ZNF263: variants seen among roughly 807,000 people sequenced by gnomAD.
ZNF263 encodes zinc finger protein 263.
A neutral mutation model predicts 63.1 loss-of-function variants in ZNF263; 49 were observed. The ratio of observed to expected loss-of-function variants is 0.78; its 90% CI spans 0.62 to 0.99. The LOEUF is 0.99. ZNF263 is among the 50% of genes least tolerant of loss of function. ZNF263 has a pLI of 0.00. For missense variants in ZNF263, 872 were observed against 854.8 expected, an observed-to-expected ratio of 1.02 and a Z score of -0.25; for synonymous variants, 352 against 324.2, an observed-to-expected ratio of 1.09 and a Z score of -0.92.
intron 2 of ZNF263, chr16:3,299,543 CACTTTCTTCAAATATTACAAG>C (rs781089570): frequency 7.8e-5 from 119 of 1,526,734 alleles, no homozygotes; most frequent in Admixed American, 5.6e-4. Context: ...TGCTCATCAT[CACTTTCTTCAAATATTACAAG>C]ACTCTCTTCA....
rs1425858200 is a variant in ZNF263 at position 3,300,457 on chromosome 16, A to G, written c.*47-456A>G. 3.1e-6 allele frequency: 5 copies of G among 1,614,010 alleles called. No homozygotes were observed. The highest frequency in any genetic ancestry group is 2.5e-6 in the Non-Finnish European group (3 of 1,180,038). ...CATGTCCTGCTTCAGTACAAAGTCC[A>G]GAATTAACTTCTTATTTTTTTTAAT... On this transcript the variant is annotated intron_variant, in intron 2 of 2. Coordinates refer to the ZNF263 transcript ENST00000574674.
downstream of ZNF263, among the ~76,000 whole-genome samples, chr16:3,294,050 C>G (rs1149486): frequency 6.6e-6 from 1 of 152,142 alleles, no homozygotes; most frequent in African/African-American, 2.4e-5. Context: ...CTCTGCCTCC[C>G]GAGTAGCTGG....
In ZNF263 at chr16:3,286,230, C is replaced by A. The variant is rs958134549; in HGVS notation, c.769+81C>A. ...CCGTTATTCATTCACCTCCTGGACA[C>A]AGACTCTGAGTTTTGCCAAGAAGCC... On this transcript the variant is annotated intron_variant, in intron 4 of 5. Coordinates refer to ENST00000219069, the MANE Select transcript of ZNF263 (RefSeq NM_005741.5). 6 of 1,497,292 alleles carry A rather than the reference C, an allele frequency of 4.0e-6. No homozygotes were observed. In the Admixed American group the frequency reaches 1.0e-4, roughly 25 times the overall value. 92.8% of individuals were successfully genotyped at this position (1,497,292 alleles called of 1,614,324 possible). A position where few individuals can be genotyped will look rare whatever the true frequency, so the allele number is the denominator to read the frequency against.
intron 1 of ZNF263, among the ~76,000 whole-genome samples, chr16:3,298,341 C>A (rs1009752109): frequency 3.3e-5 from 5 of 152,118 alleles, no homozygotes; most frequent in Admixed American, 1.3e-4. Context: ...ATATACGATC[C>A]TATATACTCA....
At chr16:3,299,153 G>A (rs2150778846) in exon 2 of ZNF263, 5 of 1,528,472 alleles carry the variant, frequency 3.3e-6, no homozygotes, top group Non-Finnish European at 4.4e-6. Flanking sequence ...ACAAAGTCAA[G>A]AAGGTAGTCC....
chr16:3,286,272 C>G, intron 4 of ZNF263, 123 bp downstream of exon 4: 1 of 1,400,510 alleles, frequency 7.1e-7, no homozygotes, highest in South Asian at 1.6e-5. Flanking sequence ...GGAGACTTCC[C>G]TTTGTCTAAA....
intron 1 of ZNF263, among the ~76,000 whole-genome samples, chr16:3,296,900 A>AAACCGTCTGAACTATCCTGCCC (rs1229687367): frequency 6.6e-6 from 1 of 152,242 alleles, no homozygotes; most frequent in Non-Finnish European, 1.5e-5. Context: ...AAATTCGCAG[A>AAACCGTCTGAACTATCCTGCCC]GGGAGTTGGT....
intron 2 of ZNF263, 78 bp from the exon 3 acceptor site, chr16:3,285,603 T>C (rs1567249790): frequency 7.0e-7 from 1 of 1,438,734 alleles, no homozygotes; most frequent in South Asian, 1.2e-5. Context: ...TGTTGGGGAA[T>C]GGATACTGTG....
At chr16:3,300,750 T>C in intron 2 of ZNF263, 1 of 1,408,426 alleles carries the variant, frequency 7.1e-7, no homozygotes, top group South Asian at 1.6e-5. Context: ...TATTGGAGGA[T>C]AATGGACTGA....
chr16:3,290,102 C>T lies in ZNF263; in HGVS notation c.1596C>T (p.His532=), dbSNP rs752233963. The stretch of plus-strand genomic sequence containing the variant: ...GGAAAAGTTTCTCTCGGAGTTCACA[C>T]CTCGTCATTCACGAAAGAACTCATG... ...ECGKSFSRSS[H]LVIHERTHER... Residue 532 remains histidine (H), a synonymous_variant, in exon 6 of 6, where the codon CAC becomes CAT. Transcript: ENST00000219069. 3 of 1,613,780 alleles carry T rather than the reference C, an allele frequency of 1.9e-6. No individual in the cohort carries two copies. Among genetic ancestry groups the T allele is most frequent in the Non-Finnish European group, 2.5e-6 (3 of 1,179,936 alleles).
rs1959559719 is a variant in ZNF263 at position 3,290,245 on chromosome 16, G to A, written c.1739G>A (p.Cys580Tyr). 6.2e-7 allele frequency: 1 copy of A among 1,614,020 alleles called. No homozygotes were observed. The highest frequency in any genetic ancestry group is 1.3e-5 in the African/African-American group (1 of 74,902). The change falls in exon 6 of 6, where the codon TGT (cysteine) becomes TAT (tyrosine). Residue 580 changes from cysteine (C) to tyrosine (Y), a missense_variant. Coordinates refer to ENST00000219069, the MANE Select transcript of ZNF263 (RefSeq NM_005741.5). ...AAGAAGCTCTTTGAATGTTTGACTT[G>A]TGGGAAAAGCTTCCGGCAGGGCATG... is the stretch of plus-strand genomic sequence containing the variant. ...AEKKLFECLT[C>Y]GKSFRQGMHL...
chr16:3,295,777 C>G (rs1292566578), downstream of ZNF263, among the ~76,000 whole-genome samples: 1 of 152,226 alleles, frequency 6.6e-6, no homozygotes, highest in Non-Finnish European at 1.5e-5. Flanking sequence ...AGAGTCAACG[C>G]AGAAGGCGAA....
downstream of ZNF263, chr16:3,291,487 C>T (rs1011914899): frequency 4.1e-6 from 4 of 985,306 alleles, no homozygotes; most frequent in African/African-American, 7.0e-5. Flanking sequence ...ATGAAAGCCT[C>T]TGTCTAGACC....
intron 1 of ZNF263, among the ~76,000 whole-genome samples, chr16:3,297,468 T>C (rs1959786524): frequency 7.9e-6 from 1 of 126,378 alleles, no homozygotes; most frequent in Non-Finnish European, 1.7e-5. Context: ...TTTTTTTTTT[T>C]TTTTTTTTTT....
rs376653002 is a variant in ZNF263 at position 3,283,802 on chromosome 16, G to T, written c.-17G>T. 1.3e-6 allele frequency: 2 copies of T among 1,539,860 alleles called. No homozygotes were observed. The highest frequency in any genetic ancestry group is 1.2e-5 in the South Asian group (1 of 82,874). On this transcript the variant is annotated 5_prime_UTR_variant, in exon 1 of 6. Coordinates refer to ENST00000219069, the MANE Select transcript of ZNF263 (RefSeq NM_005741.5). Reference sequence around the variant, plus strand: ...GGCACGGCTGGTTTCGGGCTAAGGCGCTCTGGAGACCTGACGATGGCGTCG... The same window carrying T: ...GGCACGGCTGGTTTCGGGCTAAGGCTCTCTGGAGACCTGACGATGGCGTCG...
In ZNF263 at chr16:3,291,272, TC is replaced by T; in HGVS notation, c.*720del. ...GATAACCCTTTGTGGAGAATGAGAT[TC>T]CCCCCACCTGTGTGAGAAAAATAAA... is the stretch of plus-strand genomic sequence containing the variant. On this transcript the variant is annotated 3_prime_UTR_variant, in exon 6 of 6. Transcript: ENST00000219069. The T allele has an allele frequency of 1.0e-6, 1 of 984,976 alleles. No homozygotes were observed. The allele number at this position is 984,976 out of a possible 1,614,324, so 61.0% of individuals were successfully genotyped here.
chr16:3,291,443 A>G lies in ZNF263; in HGVS notation c.*885A>G, dbSNP rs1012215903. 45 of 985,372 alleles carry G rather than the reference A, an allele frequency of 4.6e-5. No homozygotes were observed. The highest frequency in any genetic ancestry group is 5.2e-4 in the Middle Eastern group (1 of 1,936). The allele number at this position is 985,372 out of a possible 1,614,324, so 61.0% of individuals were successfully genotyped here. A position where few individuals can be genotyped will look rare whatever the true frequency, so the allele number is the denominator to read the frequency against. The stretch of plus-strand genomic sequence containing the variant: ...TGAAAATGTTTGGATGGGAATAAAT[A>G]TCTTCAGGAAACATAAATGTCTGTG... On this transcript the variant is annotated 3_prime_UTR_variant, in exon 6 of 6. Coordinates refer to ENST00000219069, the MANE Select transcript of ZNF263 (RefSeq NM_005741.5).
chr16:3,284,984 C>G, intron 1 of ZNF263, 75 bp from the exon 2 acceptor site: 2 of 1,553,082 alleles, frequency 1.3e-6, no homozygotes, highest in South Asian at 1.2e-5. Context: ...TGAAGGTTTG[C>G]TCTCAGTATC....
At chr16:3,289,289 A>G in intron 5 of ZNF263, 104 bp from the exon 6 acceptor site, 2 of 1,256,722 alleles carry the variant, frequency 1.6e-6, no homozygotes, top group Non-Finnish European at 2.2e-6. Flanking sequence ...AGGTAGAAGC[A>G]GCCCTTCTGG....
Sources: allele counts gnomAD v4.1 joint callset (sites outside exome capture counted in the v4.1 genomes callset), GRCh38; gene constraint gnomAD v4.1.1; transcripts MANE v1.5; gene names NCBI Gene and HGNC (gene_info 2026-07-23, HGNC 2026-07-21).